Variants in CPPED1 observed in about 807,000 individuals in gnomAD.
CPPED1 encodes serine/threonine-protein phosphatase CPPED1.
CPPED1 carries 28 observed loss-of-function variants against 28.0 expected under a neutral mutation model. That is an observed-to-expected ratio of 1.00 (90% CI 0.74 to 1.37). The LOEUF is 1.37. Among genes scored for constraint, CPPED1 ranks in the 40% most tolerant of loss-of-function variants. The pLI, the probability that CPPED1 is intolerant of heterozygous loss-of-function variation, is 0.00. For missense variants in CPPED1, 504 were observed against 416.5 expected, an observed-to-expected ratio of 1.21 and a Z score of -1.83; for synonymous variants, 198 against 180.2, an observed-to-expected ratio of 1.10 and a Z score of -0.79.
chr16:12,766,746 GT>G (rs1458008286), intron 2 of CPPED1, among the ~76,000 whole-genome samples: 5 of 152,158 alleles, frequency 3.3e-5, no homozygotes, highest in African/African-American at 1.2e-4. Context: ...TCCAGCCTGG[GT>G]GACGGATCAA....
At position 12,666,494 on chromosome 16, in the gene CPPED1, G is replaced by C. The variant is rs191264329; in HGVS notation, c.716-1379C>G. Among the ~76,000 whole-genome samples, 64 of 152,338 alleles carry C rather than the reference G, an allele frequency of 4.2e-4. No homozygotes were observed. The South Asian group carries it at 0.013, about 30-fold the overall frequency. Reference sequence around the variant, plus strand: ...GCTGCTGCCTGGGGCTGGGGAAGTGGTAGGCTGGTAAATGTTTCACATGTT... The same window carrying C: ...GCTGCTGCCTGGGGCTGGGGAAGTGCTAGGCTGGTAAATGTTTCACATGTT... On this transcript the variant is annotated intron_variant, in intron 3 of 3. Transcript: ENST00000381774.
chr16:12,752,393 A>G (rs1328334090), intron 2 of CPPED1, among the ~76,000 whole-genome samples: 1 of 152,044 alleles, frequency 6.6e-6, no homozygotes, highest in African/African-American at 2.4e-5. Flanking sequence ...CACACGAAAT[A>G]TGGAAGCTTT....
At chr16:12,722,608 C>T (rs2080147437) in intron 2 of CPPED1, among the ~76,000 whole-genome samples, 1 of 152,156 alleles carries the variant, frequency 6.6e-6, no homozygotes, top group African/African-American at 2.4e-5. Context: ...TGGTGGTGTG[C>T]ACCTGTAGTC....
intron 2 of CPPED1, among the ~76,000 whole-genome samples, chr16:12,731,579 G>A (rs1293088553): frequency 1.3e-5 from 2 of 151,844 alleles, no homozygotes; most frequent in Non-Finnish European, 2.9e-5. Context: ...GGTCTCTGGG[G>A]AATCTGAGAG....
intron 2 of CPPED1, among the ~76,000 whole-genome samples, chr16:12,734,795 C>A (rs1460131452): frequency 2.0e-5 from 3 of 152,128 alleles, no homozygotes; most frequent in Non-Finnish European, 4.4e-5. Flanking sequence ...ATGGTCTCCC[C>A]ACAGGAACAC....
chr16:12,672,332 C>A (rs894012770), intron 3 of CPPED1, among the ~76,000 whole-genome samples: 3 of 152,192 alleles, frequency 2.0e-5, no homozygotes, highest in Non-Finnish European at 4.4e-5. Context: ...AAAGATGTAT[C>A]CGGGCTGTAC....
intron 2 of CPPED1, among the ~76,000 whole-genome samples, chr16:12,738,057 G>A (rs2080236201): frequency 1.3e-5 from 2 of 152,180 alleles, no homozygotes; most frequent in South Asian, 2.1e-4. Flanking sequence ...CAGATGCGTC[G>A]TGGCTTGGAT....
At chr16:12,671,014 C>A (rs2079850363) in intron 3 of CPPED1, among the ~76,000 whole-genome samples, 1 of 151,982 alleles carries the variant, frequency 6.6e-6, no homozygotes. Flanking sequence ...CCATGCCCAG[C>A]TCACTTTTGT....
At chr16:12,699,639 G>A (rs1237075089) in intron 3 of CPPED1, among the ~76,000 whole-genome samples, 1 of 152,118 alleles carries the variant, frequency 6.6e-6, no homozygotes, top group Non-Finnish European at 1.5e-5. Flanking sequence ...TTTGGGGAGA[G>A]ATGTGCTCTT....
chr16:12,723,819 G>A (rs1055358487), intron 2 of CPPED1, among the ~76,000 whole-genome samples: 1 of 152,104 alleles, frequency 6.6e-6, no homozygotes, highest in East Asian at 1.9e-4. Context: ...TAGGACGTGG[G>A]TTTGTAGCAT....
At chr16:12,792,221 G>C (rs1567308011) in intron 1 of CPPED1, among the ~76,000 whole-genome samples, 1 of 152,164 alleles carries the variant, frequency 6.6e-6, no homozygotes, top group Non-Finnish European at 1.5e-5. Flanking sequence ...CCAAAGTGCT[G>C]GGATTACAGG....
chr16:12,767,733 G>A (rs925534522), intron 2 of CPPED1, among the ~76,000 whole-genome samples: 3 of 152,120 alleles, frequency 2.0e-5, no homozygotes, highest in African/African-American at 4.8e-5. Context: ...TGAGGCAGGC[G>A]GATCATCTGA....
At chr16:12,721,791 TAAC>T (rs1260725222) in intron 2 of CPPED1, among the ~76,000 whole-genome samples, 1 of 148,282 alleles carries the variant, frequency 6.7e-6, no homozygotes, top group East Asian at 2.0e-4. Flanking sequence ...AATAAATAAA[TAAC>T]AACCAGACCA....
intron 2 of CPPED1, among the ~76,000 whole-genome samples, chr16:12,742,416 C>T (rs1314846562): frequency 6.6e-6 from 1 of 152,200 alleles, no homozygotes; most frequent in East Asian, 1.9e-4. Flanking sequence ...ACAAATGTTC[C>T]AAGATGATAA....
intron 3 of CPPED1, among the ~76,000 whole-genome samples, chr16:12,690,430 C>A (rs189714105): frequency 8.5e-5 from 13 of 152,116 alleles, no homozygotes; most frequent in Admixed American, 7.9e-4. Context: ...AGGAGAATCA[C>A]TTGAACCCAG....
chr16:12,714,450 T>C (rs1157292794), intron 2 of CPPED1, among the ~76,000 whole-genome samples: 1 of 152,236 alleles, frequency 6.6e-6, no homozygotes, highest in Admixed American at 6.5e-5. Context: ...TCAACACTTG[T>C]TATTTTTCAC....
Position 12,699,563 on chromosome 16 carries a change from C to T in CPPED1, c.715+5061G>A, listed in dbSNP as rs540666926. On this transcript the variant is annotated intron_variant, in intron 3 of 3. Coordinates refer to ENST00000381774, the MANE Select transcript of CPPED1 (RefSeq NM_018340.3). ...TCATTATTAAATCATTTATTCATCC[C>T]ACACAATGATTCAGAATTATTCATC... is the stretch of plus-strand genomic sequence containing the variant. Among the ~76,000 whole-genome samples, 25 of 152,290 alleles carry T rather than the reference C, an allele frequency of 1.6e-4. No homozygotes were observed. In the South Asian group the frequency reaches 5.0e-3, roughly 30 times the overall value.
intron 2 of CPPED1, chr16:12,753,124 G>A (rs1181843264): frequency 6.6e-6 from 1 of 151,838 alleles, no homozygotes; most frequent in Non-Finnish European, 1.5e-5. Flanking sequence ...TCTATTCACT[G>A]TGAAAAATAT....
In CPPED1 at chr16:12,738,438, C is replaced by T. The variant is rs560465224; in HGVS notation, c.290-33389G>A. Among the ~76,000 whole-genome samples, 8 of 151,938 alleles carry T rather than the reference C, an allele frequency of 5.3e-5. 1 individual carries two copies. Among genetic ancestry groups the T allele is most frequent in the Admixed American group, 2.6e-4 (4 of 15,250 alleles). On this transcript the variant is annotated intron_variant, in intron 2 of 3. Transcript: ENST00000381774. The stretch of plus-strand genomic sequence containing the variant: ...ACTTTTATAATCACACACACACACT[C>T]GCGCACACACACACACCTGCTTATT...
Sources: gnomAD v4.1 joint callset for allele counts (sites outside exome capture counted in the v4.1 genomes callset) on GRCh38, gnomAD v4.1.1 for gene constraint, MANE v1.5 for transcripts, NCBI Gene and HGNC (gene_info 2026-07-23, HGNC 2026-07-21) for gene names.